The following CEP112 variants were observed in gnomAD, a reference collection of about 807,000 sequenced individuals.
CEP112 encodes centrosomal protein of 112 kDa.
Under a neutral mutation model 153.0 loss-of-function variants are expected in CEP112, and 127 were observed. That is an observed-to-expected ratio of 0.83 (90% CI 0.72 to 0.96). CEP112 has a LOEUF of 0.96. CEP112 is among the 40% of genes least tolerant of loss of function. The pLI is 0.00. For missense variants in CEP112, 1,089 were observed against 1,101.2 expected (o/e 0.99, Z 0.16); for synonymous variants, 358 against 374.4 (o/e 0.96, Z 0.51).
intron 25 of CEP112, among the ~76,000 whole-genome samples, chr17:65,640,673 CA>C (rs1212372017): frequency 6.6e-6 from 1 of 151,868 alleles, no homozygotes; most frequent in Non-Finnish European, 1.5e-5. Context: ...GACCTGATAC[CA>C]AGAATAAAAG....
intron 12 of CEP112, among the ~76,000 whole-genome samples, chr17:66,044,374 G>A (rs1043324412): frequency 6.6e-6 from 1 of 151,918 alleles, no homozygotes; most frequent in East Asian, 1.9e-4. Flanking sequence ...ATTTAAATTT[G>A]TTTTTTGTCC....
At chr17:66,041,203 T>C (rs2065961133) in intron 12 of CEP112, among the ~76,000 whole-genome samples, 1 of 152,030 alleles carries the variant, frequency 6.6e-6, no homozygotes. Flanking sequence ...AGAATTATTA[T>C]ATAATGAATA....
intron 21 of CEP112, among the ~76,000 whole-genome samples, chr17:65,820,439 A>G (rs2056475307): frequency 6.6e-6 from 1 of 152,138 alleles, no homozygotes; most frequent in African/African-American, 2.4e-5. Flanking sequence ...ACAAAGTTAC[A>G]TGTCTTTTCA....
chr17:65,719,475 G>A (rs527568433), intron 23 of CEP112, among the ~76,000 whole-genome samples: 2 of 152,224 alleles, frequency 1.3e-5, no homozygotes, highest in South Asian at 2.1e-4. Flanking sequence ...CCAGCTGCTC[G>A]GGAGGCTGAG....
intron 12 of CEP112, among the ~76,000 whole-genome samples, chr17:66,032,821 A>G (rs2065548464): frequency 6.6e-6 from 1 of 152,218 alleles, no homozygotes; most frequent in African/African-American, 2.4e-5. Flanking sequence ...CTCAAAATAT[A>G]TGAGACATCA....
intron 24 of CEP112, among the ~76,000 whole-genome samples, chr17:65,667,120 G>A (rs2046734328): frequency 6.6e-6 from 1 of 152,126 alleles, no homozygotes. Context: ...TGGTGGGGCT[G>A]GGTCTTTTGG....
At chr17:65,708,663 C>A (rs1390668679) in intron 23 of CEP112, among the ~76,000 whole-genome samples, 1 of 152,154 alleles carries the variant, frequency 6.6e-6, no homozygotes, top group African/African-American at 2.4e-5. Flanking sequence ...TTTTTCAGGT[C>A]ACTCTAGTCC....
chr17:65,760,937 A>C (rs953483487), intron 21 of CEP112, among the ~76,000 whole-genome samples: 1 of 152,096 alleles, frequency 6.6e-6, no homozygotes, highest in African/African-American at 2.4e-5. Context: ...CTTAATATAT[A>C]TATCCATTCA....
rs920374138 is a variant in CEP112 at position 65,637,132 on chromosome 17, T to C, written c.2856A>G (p.Gln952=). The change falls in exon 26 of 27, where the codon CAA becomes CAG. Residue 952 remains glutamine (Q), a synonymous_variant. Transcript: ENST00000535342. ...CTGCTTATGGGCTGTACCTTCTGCCTTGATATGTAGTCAGTTCTTCCTGAA... is the reference window on the plus strand; with the variant it reads ...CTGCTTATGGGCTGTACCTTCTGCCCTGATATGTAGTCAGTTCTTCCTGAA... The part of the protein sequence containing the change: ...SILQEELTTY[Q]GRR The C allele has an allele frequency of 2.4e-5, 39 of 1,613,634 alleles. No homozygotes were observed. In the East Asian group the frequency reaches 7.8e-4, roughly 32 times the overall value.
intron 18 of CEP112, among the ~76,000 whole-genome samples, chr17:65,932,690 G>A (rs531188719): frequency 6.6e-6 from 1 of 152,264 alleles, no homozygotes; most frequent in East Asian, 1.9e-4. Flanking sequence ...AGGAGCAAGA[G>A]AGAGTGAGGG....
intron 21 of CEP112, among the ~76,000 whole-genome samples, chr17:65,809,342 G>C (rs2055813022): frequency 6.6e-6 from 1 of 152,156 alleles, no homozygotes; most frequent in Non-Finnish European, 1.5e-5. Context: ...CCATTGGAGG[G>C]TTTTTAGCAT....
chr17:66,071,328 T>A (rs757203699), intron 8 of CEP112, among the ~76,000 whole-genome samples: 2 of 152,140 alleles, frequency 1.3e-5, no homozygotes, highest in Non-Finnish European at 2.9e-5. Flanking sequence ...ACAATATTTC[T>A]TCTTCGTTTT....
intron 24 of CEP112, among the ~76,000 whole-genome samples, chr17:65,679,278 G>A (rs1452208894): frequency 6.6e-6 from 1 of 150,912 alleles, no homozygotes; most frequent in Non-Finnish European, 1.5e-5. Flanking sequence ...CATCATACCA[G>A]CTGTCTGGGA....
At chr17:66,041,038 A>G (rs1426876335) in intron 12 of CEP112, among the ~76,000 whole-genome samples, 1 of 151,928 alleles carries the variant, frequency 6.6e-6, no homozygotes, top group Non-Finnish European at 1.5e-5. Context: ...CATTTTTTCT[A>G]TATGAATATT....
At chr17:66,006,667 A>G (rs2064290533) in intron 16 of CEP112, among the ~76,000 whole-genome samples, 1 of 152,196 alleles carries the variant, frequency 6.6e-6, no homozygotes, top group South Asian at 2.1e-4. Context: ...AACATAGCCA[A>G]TGTGGACATT....
chr17:65,974,519 T>C (rs555011034), intron 17 of CEP112, among the ~76,000 whole-genome samples: 1 of 152,342 alleles, frequency 6.6e-6, no homozygotes, highest in East Asian at 1.9e-4. Context: ...ACCCTGAATC[T>C]ATATCCCAAA....
chr17:65,949,999 C>T (rs892888712), intron 18 of CEP112, among the ~76,000 whole-genome samples: 2 of 152,136 alleles, frequency 1.3e-5, no homozygotes, highest in East Asian at 1.9e-4. Context: ...AATACACATC[C>T]ATCAGCACAC....
At chr17:66,148,992 G>A (rs2071045481) in intron 4 of CEP112, among the ~76,000 whole-genome samples, 1 of 152,086 alleles carries the variant, frequency 6.6e-6, no homozygotes, top group Non-Finnish European at 1.5e-5. Context: ...ATTTTGCTGA[G>A]GTAATTTCCT....
Position 65,784,665 on chromosome 17 carries a change from G to T in CEP112, c.2395-33941C>A, listed in dbSNP as rs775794410. Among the ~76,000 whole-genome samples the T allele has an allele frequency of 2.0e-5, 3 of 152,214 alleles. No homozygotes were observed. In the South Asian group the frequency reaches 6.2e-4, roughly 32 times the overall value. On this transcript the variant is annotated intron_variant, in intron 21 of 26. Transcript: ENST00000535342. Reference sequence around the variant, plus strand: ...CTGGCAAATTTTTGTATTTTTAGTAGAGACGGGGTTTCACCATATTGACCA... The same window carrying T: ...CTGGCAAATTTTTGTATTTTTAGTATAGACGGGGTTTCACCATATTGACCA...
Sources: gnomAD v4.1 joint callset for allele counts (sites outside exome capture counted in the v4.1 genomes callset) on GRCh38, gnomAD v4.1.1 for gene constraint, MANE v1.5 for transcripts, NCBI Gene and HGNC (gene_info 2026-07-23, HGNC 2026-07-21) for gene names.